Variants in ZNF331 observed in about 807,000 individuals in gnomAD.
ZNF331 encodes C2H2-like zinc finger protein rearranged in thyroid adenomas.
A neutral mutation model predicts 7.0 loss-of-function variants in ZNF331; 2 were observed. That is an observed-to-expected ratio of 0.29 (90% CI 0.12 to 0.90). The LOEUF is 0.90. Among genes scored for constraint, ZNF331 ranks in the 40% least tolerant of loss-of-function variants. The pLI is 0.58. For synonymous variants in ZNF331, 196 were observed against 205.4 expected, an observed-to-expected ratio of 0.95 and a Z score of 0.39; for missense variants, 432 against 587.7, an observed-to-expected ratio of 0.74 and a Z score of 2.74.
chr19:53,521,258 C>T (rs1839677160), exon 1 of ZNF331: 3 of 152,204 alleles, frequency 2.0e-5, no homozygotes, highest in Admixed American at 2.0e-4. Context: ...ACTCGGGACG[C>T]GGAGGCCCTA....
rs576597818 is a variant in ZNF331 at position 53,543,680 on chromosome 19, A to G, written c.-138+4398A>G. Among the ~76,000 whole-genome samples, 267 of 152,364 alleles carry G rather than the reference A, an allele frequency of 1.8e-3. 1 individual carries two copies. The highest frequency in any genetic ancestry group is 6.0e-3 in the African/African-American group (250 of 41,598). ...TCTTCAATAATAACAGGTAACTTCT[A>G]TTACACAAATGTCACATATTATTGA... is the stretch of plus-strand genomic sequence containing the variant. On this transcript the variant is annotated intron_variant, in intron 2 of 5. Transcript: ENST00000449416.
Position 53,571,713 on chromosome 19 carries a change from G to A in ZNF331, c.119G>A (p.Ser40Asn), listed in dbSNP as rs1487602529. The change falls in exon 5 of 6, where the codon AGT becomes AAT. Residue 40 changes from serine to asparagine, a missense_variant. By Grantham distance (46) the Ser-to-Asn change is conservative (BLOSUM62 1). Coordinates refer to ENST00000449416, the MANE Select transcript of ZNF331 (RefSeq NM_001079906.2). The surrounding 1 kb of genome is among the most constrained non-coding windows in gnomAD (Gnocchi z 4.7). ...LYWDVMLENY[S>N]NLVSLDLESA... ...TGGGACGTGATGCTGGAGAACTACA[G>A]TAACTTGGTCTCACTGGGTGAGTTG... The A allele has an allele frequency of 6.2e-7, 1 of 1,613,390 alleles. No individual in the cohort carries two copies. Among genetic ancestry groups the A allele is most frequent in the South Asian group, 1.1e-5 (1 of 90,998 alleles).
At chr19:53,542,364 C>T (rs186386754) in intron 2 of ZNF331, among the ~76,000 whole-genome samples, 1 of 152,194 alleles carries the variant, frequency 6.6e-6, no homozygotes, top group South Asian at 2.1e-4. Context: ...ATGTTCCTTT[C>T]CCAGGACATC....
chr19:53,517,333 T>A (rs188122533), upstream of ZNF331, among the ~76,000 whole-genome samples: 2 of 152,252 alleles, frequency 1.3e-5, no homozygotes, highest in Non-Finnish European at 2.9e-5. Context: ...TTTTGCTTAG[T>A]AAATAAATAA....
rs1373110761 is a variant in ZNF331, at chr19:53,580,113, A to G, written c.*2161A>G. Reference sequence around the variant, plus strand: ...GCTGATTTCAGATGTCTCACCACAAAGAAGGAGGATAAGGGAGCGAGGTGA... The same window carrying G: ...GCTGATTTCAGATGTCTCACCACAAGGAAGGAGGATAAGGGAGCGAGGTGA... On this transcript the variant is annotated 3_prime_UTR_variant, in exon 6 of 6. Coordinates refer to ENST00000449416, the MANE Select transcript of ZNF331 (RefSeq NM_001079906.2). The G allele has an allele frequency of 4.7e-6, 1 of 211,168 alleles. No individual in the cohort carries two copies. The highest frequency in any genetic ancestry group is 5.9e-5 in the Admixed American group (1 of 16,956). The allele number at this position is 211,168 out of a possible 1,614,324, so 13.1% of individuals were successfully genotyped here.
the ZNF331 span, among the ~76,000 whole-genome samples, chr19:53,510,708 T>G: frequency 6.6e-6 from 1 of 152,134 alleles, no homozygotes; most frequent in African/African-American, 2.4e-5. Context: ...AACTCCCAAC[T>G]GAATGTATCT....
chr19:53,509,490 A>G, the ZNF331 span, among the ~76,000 whole-genome samples: 3 of 152,154 alleles, frequency 2.0e-5, no homozygotes, highest in Non-Finnish European at 4.4e-5. Context: ...CAGGAGTCCA[A>G]TCCTGCCAAT....
chr19:53,511,505 AAACT>A, the ZNF331 span, among the ~76,000 whole-genome samples: 1 of 152,134 alleles, frequency 6.6e-6, no homozygotes, highest in African/African-American at 2.4e-5. Flanking sequence ...AAAACTAAAT[AAACT>A]AAATAAATAT....
intron 3 of ZNF331, among the ~76,000 whole-genome samples, chr19:53,566,689 G>A (rs1363044939): frequency 2.6e-5 from 4 of 152,174 alleles, no homozygotes; most frequent in Non-Finnish European, 5.9e-5. Flanking sequence ...ACTCTTACAC[G>A]TGAAAGAAGA....
chr19:53,535,443 G>T (rs190815556), upstream of ZNF331, among the ~76,000 whole-genome samples: 1 of 152,156 alleles, frequency 6.6e-6, no homozygotes, highest in Non-Finnish European at 1.5e-5. Flanking sequence ...CACTTAGTAT[G>T]TATGTTTACT....
upstream of ZNF331, among the ~76,000 whole-genome samples, chr19:53,533,807 C>A (rs2087634782): frequency 6.6e-6 from 1 of 152,076 alleles, no homozygotes; most frequent in Non-Finnish European, 1.5e-5. Flanking sequence ...ACAGTTGACC[C>A]TTGAACAACA....
At chr19:53,551,450 A>G (rs1364840868) in intron 2 of ZNF331, among the ~76,000 whole-genome samples, 1 of 152,186 alleles carries the variant, frequency 6.6e-6, no homozygotes, top group Non-Finnish European at 1.5e-5. Context: ...GTCACGTTAT[A>G]CCTGTGAGCA....
At chr19:53,518,109 C>T (rs1293974173), upstream of ZNF331, among the ~76,000 whole-genome samples, 1 of 152,192 alleles carries the variant, frequency 6.6e-6, no homozygotes, top group African/African-American at 2.4e-5. Context: ...AGGTGGACAC[C>T]ATGCAATTGG....
chr19:53,533,876 C>T (rs958610773), upstream of ZNF331, among the ~76,000 whole-genome samples: 44 of 152,210 alleles, frequency 2.9e-4, no homozygotes. Context: ...TTTTGACTCC[C>T]TAAAAATGTA....
intron 2 of ZNF331, among the ~76,000 whole-genome samples, chr19:53,532,104 T>C (rs1287719627): frequency 6.6e-6 from 1 of 152,224 alleles, no homozygotes; most frequent in African/African-American, 2.4e-5. Flanking sequence ...TTACTAGTTA[T>C]CATTTTTGTG....
the ZNF331 span, among the ~76,000 whole-genome samples, chr19:53,506,377 G>A: frequency 1.6e-5 from 2 of 125,230 alleles, no homozygotes; most frequent in South Asian, 2.5e-4. Flanking sequence ...CTCCCCCATT[G>A]TCCTGGCCCC....
chr19:53,507,991 C>A, the ZNF331 span, among the ~76,000 whole-genome samples: 3 of 152,204 alleles, frequency 2.0e-5, no homozygotes, highest in African/African-American at 7.2e-5. Context: ...GCTGTTTGTT[C>A]ATCCCCATTC....
chr19:53,545,177 G>A (rs8102377), intron 2 of ZNF331, among the ~76,000 whole-genome samples: 22,633 of 152,004 alleles, frequency 0.15, 3,257 homozygotes, highest in African/African-American at 0.38. Context: ...TTTCTTGATC[G>A]CTCTTTCACA....
At chr19:53,541,440 TG>T (rs1290716168) in intron 2 of ZNF331, among the ~76,000 whole-genome samples, 1 of 152,082 alleles carries the variant, frequency 6.6e-6, no homozygotes, top group Non-Finnish European at 1.5e-5. Flanking sequence ...TGTTTTGTTT[TG>T]TTTTGTTTTT....
Sources: allele counts gnomAD v4.1 joint callset (sites outside exome capture counted in the v4.1 genomes callset), GRCh38; gene constraint gnomAD v4.1.1; non-coding constraint Gnocchi (gnomAD v3.1); transcripts MANE v1.5; gene names NCBI Gene and HGNC (gene_info 2026-07-23, HGNC 2026-07-21).